Variants in PBX1 observed in about 807,000 individuals in gnomAD.
PBX1 encodes pre-B-cell leukemia transcription factor 1.
In PBX1, 6 loss-of-function variants were observed where a neutral mutation model predicts 53.4. The ratio of observed to expected loss-of-function variants is 0.11; its 90% CI spans 0.06 to 0.22. PBX1 has a LOEUF of 0.22. Ranked by LOEUF, PBX1 falls within the 10% of genes least tolerant of loss-of-function variation. The pLI is 1.00. For missense variants in PBX1, 251 were observed against 551.4 expected (o/e 0.46, Z 5.46); for synonymous variants, 204 against 212.3 (o/e 0.96, Z 0.34).
At chr1:164,661,620 T>A (rs1272670066) in intron 2 of PBX1, among the ~76,000 whole-genome samples, 1 of 151,940 alleles carries the variant, frequency 6.6e-6, no homozygotes, top group Admixed American at 6.6e-5. Context: ...AGAGACGGGG[T>A]TTCACCATGT....
intron 3 of PBX1, among the ~76,000 whole-genome samples, chr1:164,793,912 T>TGAGGCCCC (rs1668659140): frequency 6.8e-6 from 1 of 146,184 alleles, no homozygotes; most frequent in Non-Finnish European, 1.5e-5. Flanking sequence ...TCTCACTCTG[T>TGAGGCCCC]CACCCAGGCT....
At chr1:164,587,813 C>T (rs980878150) in intron 2 of PBX1, among the ~76,000 whole-genome samples, 4 of 152,144 alleles carry the variant, frequency 2.6e-5, no homozygotes, top group Non-Finnish European at 5.9e-5. Context: ...CAGGGGGTGT[C>T]CCCAGGAGAG....
chr1:164,866,132 CTA>C, intron 2 of PBX1, among the ~76,000 whole-genome samples: 1 of 152,288 alleles, frequency 6.6e-6, no homozygotes, highest in Admixed American at 6.5e-5. Context: ...TGTTTTAAAT[CTA>C]TGTTTTAAAA....
intron 2 of PBX1, among the ~76,000 whole-genome samples, chr1:164,772,675 TG>T (rs1667437585): frequency 6.6e-6 from 1 of 152,214 alleles, no homozygotes; most frequent in Non-Finnish European, 1.5e-5. Context: ...GGACAGTGAT[TG>T]GGGACTATTG....
chr1:164,746,738 A>G (rs1279749553), intron 2 of PBX1, among the ~76,000 whole-genome samples: 2 of 152,106 alleles, frequency 1.3e-5, no homozygotes, highest in East Asian at 1.9e-4. Context: ...CTCGATTTTT[A>G]TCAGCCCTCA....
At chr1:164,588,473 CTTTTT>C (rs371768861) in intron 2 of PBX1, among the ~76,000 whole-genome samples, 3 of 73,048 alleles carry the variant, frequency 4.1e-5, no homozygotes, top group Non-Finnish European at 8.6e-5. Context: ...CCGGACTAAG[CTTTTT>C]TTTTTTTTTT....
intron 2 of PBX1, among the ~76,000 whole-genome samples, chr1:164,685,783 G>A (rs1284126185): frequency 6.6e-6 from 1 of 152,224 alleles, no homozygotes; most frequent in African/African-American, 2.4e-5. Context: ...GAGAGAAAAA[G>A]CCTGGACAGG....
chr1:164,677,556 A>G (rs1201581562), intron 2 of PBX1, among the ~76,000 whole-genome samples: 3 of 152,310 alleles, frequency 2.0e-5, no homozygotes, highest in South Asian at 2.1e-4. Context: ...ATAATGTTCA[A>G]TGAAGTTGAT....
Position 164,851,736 on chromosome 1 carries a change from CTAAT to C in PBX1, c.*5061_*5064del, listed in dbSNP as rs1404545952. ...GATTCCAACTGAACTTTTGTGTTCT[CTAAT>C]GATACTAACACGGTGTAGGTTTTAC... On this transcript the variant is annotated 3_prime_UTR_variant, in exon 9 of 9. Transcript: ENST00000420696. 1.1e-5 allele frequency: 2 copies of C among 179,418 alleles called. No individual in the cohort carries two copies. The highest frequency in any genetic ancestry group is 2.4e-5 in the African/African-American group (1 of 42,306). The allele number at this position is 179,418 out of a possible 1,614,324, so 11.1% of individuals were successfully genotyped here.
At chr1:164,769,602 C>T (rs1667258071) in intron 2 of PBX1, among the ~76,000 whole-genome samples, 1 of 152,110 alleles carries the variant, frequency 6.6e-6, no homozygotes, top group Admixed American at 6.5e-5. Flanking sequence ...ACCATCATAA[C>T]CAGGAAGATT....
chr1:164,730,706 A>C (rs1664931746), intron 2 of PBX1, among the ~76,000 whole-genome samples: 1 of 152,208 alleles, frequency 6.6e-6, no homozygotes, highest in Non-Finnish European at 1.5e-5. Flanking sequence ...ACCCAGGAAA[A>C]GTACTGCTTT....
At chr1:164,759,465 G>GTGGC (rs1330141389) in intron 2 of PBX1, among the ~76,000 whole-genome samples, 1 of 152,180 alleles carries the variant, frequency 6.6e-6, no homozygotes, top group African/African-American at 2.4e-5. Flanking sequence ...AGAATCCTGG[G>GTGGC]TGGCTGGTTC....
chr1:164,675,016 G>C (rs1365066170), intron 2 of PBX1, among the ~76,000 whole-genome samples: 4 of 152,090 alleles, frequency 2.6e-5, no homozygotes, highest in African/African-American at 9.7e-5. Context: ...CAAAGAGATT[G>C]GCAAGGGAAA....
At position 164,578,285 on chromosome 1, in the gene PBX1, A is replaced by G. The variant is rs1202805314; in HGVS notation, c.265+14974A>G. On this transcript the variant is annotated intron_variant, in intron 2 of 8. Coordinates refer to ENST00000420696, the MANE Select transcript of PBX1 (RefSeq NM_002585.4). ...TTATTTTTTAAGTAAGTTTCATAAA[A>G]TATTTTTGAATGCCCTATGTTCTGG... Among the ~76,000 whole-genome samples, 9 of 152,348 alleles carry G rather than the reference A, an allele frequency of 5.9e-5. No homozygotes were observed. The East Asian group carries it at 1.7e-3, about 29-fold the overall frequency.
chr1:164,641,600 A>G (rs1342219399), intron 2 of PBX1: 1 of 152,244 alleles, frequency 6.6e-6, no homozygotes, highest in Non-Finnish European at 1.5e-5. Flanking sequence ...TCCCTCAGCT[A>G]TTCACTACAG....
At chr1:164,635,548 T>C (rs891643615) in intron 2 of PBX1, among the ~76,000 whole-genome samples, 2 of 152,254 alleles carry the variant, frequency 1.3e-5, no homozygotes, top group Admixed American at 6.5e-5. Context: ...ATTCGTCTCT[T>C]GCCCTTGGGT....
intron 2 of PBX1, among the ~76,000 whole-genome samples, chr1:164,609,041 G>A (rs1656735969): frequency 6.6e-6 from 1 of 152,108 alleles, no homozygotes; most frequent in Non-Finnish European, 1.5e-5. Flanking sequence ...GGAAAAAGAG[G>A]TAATATAAAA....
intron 2 of PBX1, among the ~76,000 whole-genome samples, chr1:164,668,419 C>T (rs148096859): frequency 2.6e-5 from 4 of 152,270 alleles, no homozygotes; most frequent in East Asian, 3.9e-4. Context: ...ACCTCTCACA[C>T]GCCAACATCT....
intron 2 of PBX1, among the ~76,000 whole-genome samples, chr1:164,879,496 T>G (rs1672595427): frequency 6.6e-6 from 1 of 152,174 alleles, no homozygotes; most frequent in African/African-American, 2.4e-5. Context: ...TCTGTCATCT[T>G]GGGTTTGACA....
Sources: allele counts gnomAD v4.1 joint callset (sites outside exome capture counted in the v4.1 genomes callset), GRCh38; gene constraint gnomAD v4.1.1; transcripts MANE v1.5; gene names NCBI Gene and HGNC (gene_info 2026-07-23, HGNC 2026-07-21).